Variants in SLC35A3 observed in about 807,000 individuals in gnomAD.
SLC35A3 encodes the protein solute carrier family 35 member A3, also known as UDP-N-acetylglucosamine transporter.
A neutral mutation model predicts 39.0 loss-of-function variants in SLC35A3; 26 were observed. That is an observed-to-expected ratio of 0.67 (90% CI 0.49 to 0.92). The LOEUF (loss-of-function observed/expected upper bound fraction) is 0.92, where lower values mean the gene tolerates loss of function less well. Among genes scored for constraint, SLC35A3 ranks in the 40% least tolerant of loss-of-function variants. The pLI is 0.00. For synonymous variants in SLC35A3, 135 were observed against 133.1 expected (o/e 1.01, Z -0.10); for missense variants, 299 against 371.6 (o/e 0.80, Z 1.61).
chr1:100,004,084 T>C (rs575513862), intron 3 of SLC35A3, among the ~76,000 whole-genome samples: 1 of 152,344 alleles, frequency 6.6e-6, no homozygotes, highest in Non-Finnish European at 1.5e-5. Flanking sequence ...TCCATATCTT[T>C]TATGTGGGAA....
rs114496783 is a variant in SLC35A3, at chr1:99,999,605, C to T, written c.342+190C>T. Among the ~76,000 whole-genome samples, 159 of 152,198 alleles carry T rather than the reference C, an allele frequency of 1.0e-3. 1 individual carries two copies. The highest frequency in any genetic ancestry group is 3.6e-3 in the African/African-American group (151 of 41,526). On this transcript the variant is annotated intron_variant, in intron 3 of 7. Coordinates refer to ENST00000533028, the MANE Select transcript of SLC35A3 (RefSeq NM_012243.3). ...TTGTGTTGGGGACATTTCAGATCTTCTCTTCTAGTTATTTTGAAATTTTGA... is the reference window on the plus strand; with the variant it reads ...TTGTGTTGGGGACATTTCAGATCTTTTCTTCTAGTTATTTTGAAATTTTGA...
chr1:99,991,597 T>C (rs1464771622), intron 1 of SLC35A3, among the ~76,000 whole-genome samples: 1 of 152,196 alleles, frequency 6.6e-6, no homozygotes, highest in Non-Finnish European at 1.5e-5. Context: ...TTTTGTTTGT[T>C]TGTTTACCAA....
chr1:99,980,413 T>G (rs919881184), intron 1 of SLC35A3, among the ~76,000 whole-genome samples: 3 of 152,194 alleles, frequency 2.0e-5, no homozygotes, highest in African/African-American at 7.2e-5. Flanking sequence ...CTTAGAGATA[T>G]TAAGTCGTTT....
chr1:99,993,617 T>G lies in SLC35A3; in HGVS notation c.63T>G (p.Val21=), dbSNP rs141542767. 991 of 1,614,022 alleles carry G rather than the reference T, an allele frequency of 6.1e-4. No individual in the cohort carries two copies. The highest frequency in any genetic ancestry group is 1.0e-3 in the Admixed American group (62 of 60,008). Residue 21 remains valine (V), a synonymous_variant, in exon 2 of 8, where the codon GTT becomes GTG. Coordinates refer to ENST00000533028, the MANE Select transcript of SLC35A3 (RefSeq NM_012243.3). ...GILVFQTTSL[V]LTMRYSRTLK... is the part of the protein sequence containing the mutation. ...TGGTCTTTCAGACTACCAGTTTGGT[T>G]CTAACAATGCGTTATTCCAGAACTT... is the stretch of plus-strand genomic sequence containing the variant.
chr1:99,994,432 C>G (rs768224885), intron 2 of SLC35A3, among the ~76,000 whole-genome samples: 8 of 151,998 alleles, frequency 5.3e-5, no homozygotes, highest in Non-Finnish European at 1.2e-4. Flanking sequence ...AACTTTGTAA[C>G]TGTTAAGTAA....
chr1:100,018,037 G>C (rs1660279452), intron 7 of SLC35A3, among the ~76,000 whole-genome samples: 1 of 152,136 alleles, frequency 6.6e-6, no homozygotes, highest in South Asian at 2.1e-4. Context: ...CCAATAAATA[G>C]ATGTGAATAT....
intron 5 of SLC35A3, among the ~76,000 whole-genome samples, chr1:100,014,398 T>C (rs1202932083): frequency 6.6e-6 from 1 of 152,126 alleles, no homozygotes; most frequent in Non-Finnish European, 1.5e-5. Context: ...TTTAAAAATT[T>C]TTTTGTAGAG....
rs1347567942 is a variant in SLC35A3 at position 100,027,578 on chromosome 1, C to T, written c.*5102C>T. 6.1e-6 allele frequency: 1 copy of T among 165,252 alleles called. No individual in the cohort carries two copies. The highest frequency in any genetic ancestry group is 6.4e-5 in the Admixed American group (1 of 15,640). The allele number at this position is 165,252 out of a possible 1,614,324, so 10.2% of individuals were successfully genotyped here. A position where few individuals can be genotyped will look rare whatever the true frequency, so the allele number is the denominator to read the frequency against. ...TTTGTTTTAAATATCTCTAGGCTAG[C>T]CTCAAGGTTAAGTAATTATAGAAGT... is the stretch of plus-strand genomic sequence containing the variant. On this transcript the variant is annotated 3_prime_UTR_variant, in exon 8 of 8. Transcript: ENST00000533028.
Position 100,035,617 on chromosome 1 carries a change from A to G in SLC35A3, c.*13141A>G, listed in dbSNP as rs1661453766. The G allele has an allele frequency of 6.6e-6, 1 of 152,254 alleles. No homozygotes were observed. Among genetic ancestry groups the G allele is most frequent in the African/African-American group, 2.4e-5 (1 of 41,476 alleles). The allele number at this position is 152,254 out of a possible 1,614,324, so 9.4% of individuals were successfully genotyped here. A position where few individuals can be genotyped will look rare whatever the true frequency, so the allele number is the denominator to read the frequency against. ...TATTGATGTATCCCTGGCATCTAAT[A>G]AAACACTGACAACACAAGCACCCAG... On this transcript the variant is annotated 3_prime_UTR_variant, in exon 8 of 8. Coordinates refer to ENST00000533028, the MANE Select transcript of SLC35A3 (RefSeq NM_012243.3).
chr1:100,015,279 A>T, intron 5 of SLC35A3, 23 bp from the exon 6 acceptor site: 1 of 1,584,276 alleles, frequency 6.3e-7, no homozygotes, highest in Non-Finnish European at 8.6e-7. Context: ...ACGATATATC[A>T]TGTAGACTTT....
chr1:99,974,074 G>A (rs926172433), intron 1 of SLC35A3, among the ~76,000 whole-genome samples: 1 of 149,762 alleles, frequency 6.7e-6, no homozygotes, highest in African/African-American at 2.5e-5. Context: ...AAAATGCTAA[G>A]AAACAAGCTC....
At chr1:100,007,459 T>C (rs1231479547) in intron 4 of SLC35A3, 1 of 190,976 alleles carries the variant, frequency 5.2e-6, no homozygotes, top group Non-Finnish European at 1.1e-5. Context: ...TTTGAGATTA[T>C]TAGCCACTCC....
In SLC35A3 at chr1:100,032,360, T is replaced by G. The variant is rs1661286004; in HGVS notation, c.*9884T>G. The G allele has an allele frequency of 6.6e-6, 1 of 152,218 alleles. No individual in the cohort carries two copies. Among genetic ancestry groups the G allele is most frequent in the South Asian group, 2.1e-4 (1 of 4,832 alleles). 9.4% of individuals were successfully genotyped at this position (152,218 alleles called of 1,614,324 possible). ...TAAATTTCTTCTACATTTATTAGTT[T>G]ATATTCTTTTTTAAAATAAAAAAGT... On this transcript the variant is annotated 3_prime_UTR_variant, in exon 8 of 8. Transcript: ENST00000533028.
At position 100,029,765 on chromosome 1, in the gene SLC35A3, T is replaced by C. The variant is rs1661123058; in HGVS notation, c.*7289T>C. The C allele has an allele frequency of 6.6e-6, 1 of 152,152 alleles. No individual in the cohort carries two copies. Among genetic ancestry groups the C allele is most frequent in the Admixed American group, 6.6e-5 (1 of 15,264 alleles). The allele number at this position is 152,152 out of a possible 1,614,324, so 9.4% of individuals were successfully genotyped here. ...TTAATTTATACATTGTCATTTTTAA[T>C]TTTAGAATATCTGTCAAATGATTCT... On this transcript the variant is annotated 3_prime_UTR_variant, in exon 8 of 8. Coordinates refer to ENST00000533028, the MANE Select transcript of SLC35A3 (RefSeq NM_012243.3).
In SLC35A3 at chr1:100,023,549, G is replaced by C. The variant is rs1660692156; in HGVS notation, c.*1073G>C. ...GTGACAGAACAAAATGACTTTTCTT[G>C]GAGACATTCCAGATTGCCATATTAC... is the stretch of plus-strand genomic sequence containing the variant. On this transcript the variant is annotated 3_prime_UTR_variant, in exon 8 of 8. Coordinates refer to ENST00000533028, the MANE Select transcript of SLC35A3 (RefSeq NM_012243.3). 1.3e-5 allele frequency: 2 copies of C among 152,154 alleles called. No individual in the cohort carries two copies. Among genetic ancestry groups the C allele is most frequent in the African/African-American group, 4.8e-5 (2 of 41,430 alleles). The allele number at this position is 152,154 out of a possible 1,614,324, so 9.4% of individuals were successfully genotyped here. A position where few individuals can be genotyped will look rare whatever the true frequency, so the allele number is the denominator to read the frequency against.
Position 100,024,535 on chromosome 1 carries a change from A to C in SLC35A3, c.*2059A>C, listed in dbSNP as rs1387246823. Reference sequence around the variant, plus strand: ...CACTGCACCCCAGCCTGGGTGACAGAGCGAGACTCCGTCTCAAAAAAAAAA... The same window carrying C: ...CACTGCACCCCAGCCTGGGTGACAGCGCGAGACTCCGTCTCAAAAAAAAAA... On this transcript the variant is annotated 3_prime_UTR_variant, in exon 8 of 8. Transcript: ENST00000533028. 1 of 180,766 alleles carries C rather than the reference A, an allele frequency of 5.5e-6. No individual in the cohort carries two copies. Among genetic ancestry groups the C allele is most frequent in the African/African-American group, 2.4e-5 (1 of 41,618 alleles). 11.2% of individuals were successfully genotyped at this position (180,766 alleles called of 1,614,324 possible).
rs1660700196 is a variant in SLC35A3, at chr1:100,023,657, G to C, written c.*1181G>C. On this transcript the variant is annotated 3_prime_UTR_variant, in exon 8 of 8. Coordinates refer to ENST00000533028, the MANE Select transcript of SLC35A3 (RefSeq NM_012243.3). ...GTCTCTCATAAGCCTATTCTTCCCT[G>C]ATCACATGAGTGGGAGAGGTAGCCA... The C allele has an allele frequency of 1.3e-5, 2 of 152,224 alleles. No individual in the cohort carries two copies. Among genetic ancestry groups the C allele is most frequent in the African/African-American group, 4.8e-5 (2 of 41,428 alleles). 9.4% of individuals were successfully genotyped at this position (152,224 alleles called of 1,614,324 possible).
chr1:99,970,223 C>A, intron 1 of SLC35A3, 61 bp downstream of exon 1: 1 of 214,178 alleles, frequency 4.7e-6, no homozygotes, highest in Non-Finnish European at 9.3e-6. Context: ...TGCGGGGCGG[C>A]CCGGGAAGCT....
At chr1:99,981,944 G>C (rs1204057175) in intron 1 of SLC35A3, among the ~76,000 whole-genome samples, 1 of 151,838 alleles carries the variant, frequency 6.6e-6, no homozygotes, top group Non-Finnish European at 1.5e-5. Flanking sequence ...GTGAGCCACT[G>C]GAAATAAGTC....
Sources: allele counts gnomAD v4.1 joint callset (sites outside exome capture counted in the v4.1 genomes callset), GRCh38; gene constraint gnomAD v4.1.1; transcripts MANE v1.5; gene names NCBI Gene and HGNC (gene_info 2026-07-23, HGNC 2026-07-21).